DNAH5: variants seen among roughly 807,000 people sequenced by gnomAD.
DNAH5 encodes axonemal beta dynein heavy chain 5.
A neutral mutation model predicts 518.2 loss-of-function variants in DNAH5; 372 were observed. The observed-to-expected ratio is 0.72, with a 90% CI of 0.66 to 0.78. DNAH5 has a LOEUF of 0.78. Among genes scored for constraint, DNAH5 ranks in the 30% least tolerant of loss-of-function variants. The pLI, the probability that DNAH5 is intolerant of heterozygous loss-of-function variation, is 0.00. For synonymous variants in DNAH5, 2,039 were observed against 2,025.9 expected, an observed-to-expected ratio of 1.01 and a Z score of -0.17; for missense variants, 5,523 against 5,687.0, an observed-to-expected ratio of 0.97 and a Z score of 0.93.
chr5:13,769,163 T>C (rs1259727724), intron 57 of DNAH5, 27 bp from the exon 58 acceptor site: 1 of 1,611,024 alleles, frequency 6.2e-7, no homozygotes, highest in Admixed American at 1.7e-5. Flanking sequence ...CAAGCAATAC[T>C]TCACCAAACA....
intron 76 of DNAH5, among the ~76,000 whole-genome samples, chr5:13,705,708 A>G (rs146537798): frequency 6.6e-6 from 1 of 152,346 alleles, no homozygotes; most frequent in African/African-American, 2.4e-5. Flanking sequence ...TCAAGTGAAA[A>G]TGAAGGCATA....
At chr5:13,820,542 T>C (rs768914346) in intron 40 of DNAH5, 43 bp from the exon 41 acceptor site, 8 of 1,609,038 alleles carry the variant, frequency 5.0e-6, no homozygotes, top group Non-Finnish European at 6.8e-6. Context: ...ACAACAATGA[T>C]GGCCGGACAC....
chr5:13,929,491 G>A (rs1387561885), intron 2 of DNAH5, among the ~76,000 whole-genome samples: 1 of 150,686 alleles, frequency 6.6e-6, no homozygotes, highest in Non-Finnish European at 1.5e-5. Flanking sequence ...TATGTTATGT[G>A]TATTTACTAC....
In DNAH5 at chr5:14,011,119, A is replaced by C. The variant is rs1396965526; in HGVS notation, c.12+529T>G. Among the ~76,000 whole-genome samples the C allele has an allele frequency of 2.0e-5, 3 of 151,844 alleles. No individual in the cohort carries two copies. In the South Asian group the frequency reaches 6.2e-4, roughly 32 times the overall value. On this transcript the variant is annotated intron_variant, in intron 1 of 78. Coordinates refer to the DNAH5 transcript ENST00000681290. The stretch of plus-strand genomic sequence containing the variant: ...CAAATGTAAGAGACAGAAAGAACCC[A>C]CCCAGCGGGGCTTTCTCTGCACACC...
At chr5:13,778,071 T>C (rs530741077) in intron 53 of DNAH5, among the ~76,000 whole-genome samples, 68 of 152,248 alleles carry the variant, frequency 4.5e-4, no homozygotes, top group African/African-American at 1.6e-3. Context: ...ACTTACTAAA[T>C]TATTATTTGT....
At chr5:13,946,455 A>C (rs1779931642), upstream of DNAH5, among the ~76,000 whole-genome samples, 1 of 152,200 alleles carries the variant, frequency 6.6e-6, no homozygotes, top group East Asian at 1.9e-4. Flanking sequence ...CAACACAAAC[A>C]AAGCAAGCCA....
At chr5:13,719,141 T>G (rs1344531480) in intron 71 of DNAH5, 40 bp from the exon 72 acceptor site, 2 of 1,440,062 alleles carry the variant, frequency 1.4e-6, no homozygotes, top group Middle Eastern at 1.7e-4. Context: ...AGTTTTGTAT[T>G]TCACCCAAAT....
intron 45 of DNAH5, 71 bp from the exon 46 acceptor site, chr5:13,809,257 C>T: frequency 6.4e-7 from 1 of 1,572,252 alleles, no homozygotes; most frequent in Non-Finnish European, 8.7e-7. Context: ...AGCAGACATC[C>T]TTGAAATCTT....
At chr5:13,963,978 A>G (rs1469613489) in intron 1 of DNAH5, among the ~76,000 whole-genome samples, 5 of 152,118 alleles carry the variant, frequency 3.3e-5, no homozygotes, top group Admixed American at 6.5e-5. Flanking sequence ...GCAAACTTCA[A>G]TTCTGCTTCA....
Position 13,714,736 on chromosome 5 carries a change from T to G in DNAH5, c.12910-116A>C, listed in dbSNP as rs1744061574. ...GGGTATGCATTTACTTAAGTCTTAT[T>G]GGTGTCAAGCTACAAACTCAATAAT... On this transcript the variant is annotated intron_variant, in intron 74 of 78. Transcript: ENST00000265104. The G allele has an allele frequency of 2.9e-5, 28 of 975,588 alleles. 2 individuals carry two copies. The South Asian group carries it at 3.9e-4, about 14-fold the overall frequency. The allele number at this position is 975,588 out of a possible 1,614,324, so 60.4% of individuals were successfully genotyped here. A position where few individuals can be genotyped will look rare whatever the true frequency, so the allele number is the denominator to read the frequency against.
At chr5:13,969,732 G>A (rs917731269) in intron 1 of DNAH5, among the ~76,000 whole-genome samples, 2 of 152,086 alleles carry the variant, frequency 1.3e-5, no homozygotes, top group African/African-American at 2.4e-5. Flanking sequence ...CTGTCACATG[G>A]TCTATCTTGG....
At chr5:13,949,667 C>A (rs939128967), upstream of DNAH5, among the ~76,000 whole-genome samples, 5 of 152,264 alleles carry the variant, frequency 3.3e-5, no homozygotes, top group African/African-American at 7.2e-5. Flanking sequence ...AGGAAGAGAG[C>A]GGCTTGGGGC....
chr5:13,891,383 T>C (rs2151949379), intron 16 of DNAH5, among the ~76,000 whole-genome samples: 1 of 152,338 alleles, frequency 6.6e-6, no homozygotes, highest in East Asian at 1.9e-4. Context: ...ATCATTCTTA[T>C]TATAAAGTTT....
chr5:13,832,082 A>C (rs528052045), intron 35 of DNAH5, among the ~76,000 whole-genome samples: 1 of 152,220 alleles, frequency 6.6e-6, no homozygotes, highest in East Asian at 1.9e-4. Flanking sequence ...CTATATAACA[A>C]ACCTCTATGA....
At chr5:13,874,486 G>A (rs1770580710) in intron 22 of DNAH5, among the ~76,000 whole-genome samples, 1 of 151,952 alleles carries the variant, frequency 6.6e-6, no homozygotes, top group African/African-American at 2.4e-5. Context: ...ATGTAACCAA[G>A]GTTATTTTGA....
chr5:13,826,212 T>C (rs1392810690), intron 38 of DNAH5, among the ~76,000 whole-genome samples: 1 of 152,192 alleles, frequency 6.6e-6, no homozygotes, highest in Non-Finnish European at 1.5e-5. Context: ...CACACATTGA[T>C]GTATTACATT....
intron 1 of DNAH5, among the ~76,000 whole-genome samples, chr5:13,934,225 C>T (rs923814210): frequency 2.0e-4 from 30 of 152,182 alleles, no homozygotes; most frequent in African/African-American, 7.2e-4. Context: ...TACCATCTGA[C>T]CTTCTAGCTG....
Position 13,770,758 on chromosome 5 carries a change from A to G in DNAH5, c.9596T>C (p.Leu3199Pro). The G allele has an allele frequency of 6.2e-7, 1 of 1,613,902 alleles. No individual in the cohort carries two copies. Among genetic ancestry groups the G allele is most frequent in the Non-Finnish European group, 8.5e-7 (1 of 1,179,856 alleles). The change falls in exon 56 of 79, where the codon CTG (leucine) becomes CCG (proline). Residue 3199 changes from leucine to proline, a missense_variant. Leu to Pro is a moderately conservative substitution (Grantham distance 98). This residue lies in a region of DNAH5 where 5,121 missense variants were observed against 5,223.3 expected (regional missense o/e 0.98). Coordinates refer to ENST00000265104, the MANE Select transcript of DNAH5 (RefSeq NM_001369.3). ...YGEKHVEVRT[L>P]ANRMNTGLEK... Reference sequence around the variant, plus strand: ...AGAACATCACACTTACCTGTTGGCCAGGGTCCGCACCTCCACATGCTTTTC... The same window carrying G: ...AGAACATCACACTTACCTGTTGGCCGGGGTCCGCACCTCCACATGCTTTTC...
At chr5:13,902,370 G>A (rs974797554) in intron 12 of DNAH5, among the ~76,000 whole-genome samples, 2 of 152,302 alleles carry the variant, frequency 1.3e-5, no homozygotes, top group African/African-American at 4.8e-5. Flanking sequence ...ACGGGTACTG[G>A]GCCAGACACA....
Sources: gnomAD v4.1 joint callset for allele counts (sites outside exome capture counted in the v4.1 genomes callset) on GRCh38, gnomAD v4.1.1 for gene constraint, gnomAD v4.1.1 regional missense constraint, MANE v1.5 for transcripts, NCBI Gene and HGNC (gene_info 2026-07-23, HGNC 2026-07-21) for gene names.